HECW1: variants seen among roughly 807,000 people sequenced by gnomAD.
HECW1 encodes E3 ubiquitin-protein ligase HECW1.
HECW1 carries 61 observed loss-of-function variants against 182.3 expected under a neutral mutation model. The observed-to-expected ratio is 0.33, with a 90% CI of 0.27 to 0.41. The LOEUF (loss-of-function observed/expected upper bound fraction) is 0.41. HECW1 is among the 10% of genes least tolerant of loss of function. The pLI, the probability that HECW1 is intolerant of heterozygous loss-of-function variation, is 1.00. For synonymous variants in HECW1, 859 were observed against 832.6 expected (o/e 1.03, Z -0.55); for missense variants, 1,739 against 2,108.9 (o/e 0.82, Z 3.44).
intron 7 of HECW1, among the ~76,000 whole-genome samples, chr7:43,400,745 G>T (rs896973765): frequency 1.3e-5 from 2 of 152,156 alleles, no homozygotes; most frequent in African/African-American, 4.8e-5. Context: ...ATAACAAATT[G>T]CCACCAACTT....
intron 9 of HECW1, 102 bp downstream of exon 9, chr7:43,438,247 A>C: frequency 1.1e-6 from 1 of 917,514 alleles, no homozygotes; most frequent in Non-Finnish European, 1.7e-6. Context: ...CAGAGAGTCA[A>C]AATGGTATCA....
chr7:43,443,234 A>G (rs2076946205), intron 10 of HECW1, among the ~76,000 whole-genome samples: 1 of 152,200 alleles, frequency 6.6e-6, no homozygotes, highest in Non-Finnish European at 1.5e-5. Flanking sequence ...TATAGATCAT[A>G]CTGAGAACTG....
chr7:43,467,068 A>G (rs1052514803), intron 15 of HECW1, among the ~76,000 whole-genome samples: 4 of 152,238 alleles, frequency 2.6e-5, no homozygotes, highest in African/African-American at 9.6e-5. Flanking sequence ...CAAGAAAGCA[A>G]TGGCATGATA....
At chr7:43,183,206 C>T (rs7783147) in intron 2 of HECW1, among the ~76,000 whole-genome samples, 36,559 of 151,970 alleles carry the variant, frequency 0.24, 4,550 homozygotes, top group Middle Eastern at 0.27. Flanking sequence ...TAGGTTATAA[C>T]TGAGTTACAG....
Position 43,444,250 on chromosome 7 carries a change from GAGTC to G in HECW1, c.1081_1084del (p.Ser361ProfsTer8). 6.2e-7 allele frequency: 1 copy of G among 1,611,050 alleles called. No individual in the cohort carries two copies. The highest frequency in any genetic ancestry group is 8.5e-7 in the Non-Finnish European group (1 of 1,177,484). Reference sequence around the variant, plus strand: ...GGAGATTTCCCTGAGTACCGAGCCTGAGTCAGCCCAAATTCAGGACAGCCCCATG... The same window carrying G: ...GGAGATTTCCCTGAGTACCGAGCCTGAGCCCAAATTCAGGACAGCCCCATG... On this transcript the variant is annotated frameshift_variant, in exon 11 of 30. Coordinates refer to ENST00000395891, the MANE Select transcript of HECW1 (RefSeq NM_015052.5). LOFTEE classifies it high-confidence loss of function. The surrounding 1 kb of genome is among the most constrained non-coding windows in gnomAD (Gnocchi z 4.3).
At chr7:43,494,293 C>A (rs541446766) in intron 19 of HECW1, among the ~76,000 whole-genome samples, 1 of 152,176 alleles carries the variant, frequency 6.6e-6, no homozygotes, top group African/African-American at 2.4e-5. Flanking sequence ...TCCTCATACT[C>A]TCTCCTCCAT....
intron 24 of HECW1, among the ~76,000 whole-genome samples, chr7:43,527,586 T>C (rs963523701): frequency 3.9e-5 from 6 of 152,178 alleles, no homozygotes; most frequent in Admixed American, 3.9e-4. Context: ...CTTTACTTAA[T>C]TATATCTTCA....
At chr7:43,293,351 G>A (rs1360546516) in intron 3 of HECW1, among the ~76,000 whole-genome samples, 1 of 152,154 alleles carries the variant, frequency 6.6e-6, no homozygotes, top group South Asian at 2.1e-4. Flanking sequence ...ACCCCCTAGA[G>A]GTTTCCCATT....
chr7:43,162,624 A>G (rs894855919), intron 2 of HECW1, among the ~76,000 whole-genome samples: 25 of 152,226 alleles, frequency 1.6e-4, no homozygotes, highest in African/African-American at 6.0e-4. Context: ...GGACATGGAC[A>G]TATCTTTTGG....
chr7:43,424,400 G>A (rs547554861), intron 8 of HECW1, among the ~76,000 whole-genome samples: 38 of 152,242 alleles, frequency 2.5e-4, no homozygotes, highest in African/African-American at 8.9e-4. Flanking sequence ...TGGTAGGATC[G>A]CTTGAGCCCA....
chr7:43,559,888 G>A (rs2082153792), intron 29 of HECW1, among the ~76,000 whole-genome samples: 1 of 152,136 alleles, frequency 6.6e-6, no homozygotes, highest in Non-Finnish European at 1.5e-5. Context: ...TGCAATAAAA[G>A]CAACTAGTAA....
At chr7:43,269,144 A>G (rs1802107449) in intron 3 of HECW1, among the ~76,000 whole-genome samples, 1 of 152,134 alleles carries the variant, frequency 6.6e-6, no homozygotes, top group South Asian at 2.1e-4. Context: ...TCTGGAAACC[A>G]TCTACTGCTT....
At chr7:43,342,844 G>A (rs961608511) in intron 5 of HECW1, among the ~76,000 whole-genome samples, 1 of 147,632 alleles carries the variant, frequency 6.8e-6, no homozygotes, top group African/African-American at 2.5e-5. Context: ...GCTAACACAG[G>A]GAAACCCTGT....
chr7:43,333,617 A>T (rs545596695), intron 5 of HECW1, among the ~76,000 whole-genome samples: 1 of 152,322 alleles, frequency 6.6e-6, no homozygotes, highest in African/African-American at 2.4e-5. Flanking sequence ...CAATTATATA[A>T]TGAATGAATT....
chr7:43,440,461 T>G (rs1036114620), intron 9 of HECW1: 20 of 152,232 alleles, frequency 1.3e-4, no homozygotes, highest in Admixed American at 1.2e-3. Context: ...GAACCATTAT[T>G]TAGTGGTCCT....
chr7:43,433,582 A>G (rs564205374), intron 8 of HECW1, among the ~76,000 whole-genome samples: 1 of 152,366 alleles, frequency 6.6e-6, no homozygotes, highest in East Asian at 1.9e-4. Flanking sequence ...TAGGAATACC[A>G]TATGCATCAT....
chr7:43,117,196 G>A (rs561435709), intron 2 of HECW1, among the ~76,000 whole-genome samples: 3 of 152,248 alleles, frequency 2.0e-5, no homozygotes, highest in East Asian at 1.9e-4. Context: ...TAGAATTTGG[G>A]GGTTTAATAG....
chr7:43,542,006 T>C lies in HECW1; in HGVS notation c.4248+8T>C. On this transcript the variant is annotated splice_region_variant and intron_variant, in intron 26 of 29. Coordinates refer to ENST00000395891, the MANE Select transcript of HECW1 (RefSeq NM_015052.5). Reference sequence around the variant, plus strand: ...GAAGAGGTTTTTGGACAGGTTTGTGTGACATGGGGTTTGGAAAAGGGATTT... The same window carrying C: ...GAAGAGGTTTTTGGACAGGTTTGTGCGACATGGGGTTTGGAAAAGGGATTT... 1 of 1,491,080 alleles carries C rather than the reference T, an allele frequency of 6.7e-7. No individual in the cohort carries two copies. Among genetic ancestry groups the C allele is most frequent in the Admixed American group, 2.4e-5 (1 of 40,914 alleles). 92.4% of individuals were successfully genotyped at this position (1,491,080 alleles called of 1,614,324 possible). A position where few individuals can be genotyped will look rare whatever the true frequency, so the allele number is the denominator to read the frequency against.
At chr7:43,335,687 TTTCC>T (rs1052828446) in intron 5 of HECW1, among the ~76,000 whole-genome samples, 14 of 152,290 alleles carry the variant, frequency 9.2e-5, no homozygotes, top group African/African-American at 2.4e-4. Flanking sequence ...TTTCTTTCTT[TTTCC>T]TTCCTTCCTT....
Sources: gnomAD v4.1 joint callset for allele counts (sites outside exome capture counted in the v4.1 genomes callset) on GRCh38, gnomAD v4.1.1 for gene constraint, Gnocchi (gnomAD v3.1) non-coding constraint, MANE v1.5 for transcripts, NCBI Gene and HGNC (gene_info 2026-07-23, HGNC 2026-07-21) for gene names.